The following RP1 variants were observed in gnomAD, a reference collection of about 807,000 sequenced individuals.
RP1 encodes the protein oxygen-regulated protein 1.
A neutral mutation model predicts 14.8 loss-of-function variants in RP1; 16 were observed. The ratio of observed to expected loss-of-function variants is 1.08; its 90% confidence interval spans 0.73 to 1.65. The LOEUF is 1.65. RP1 is among the 40% of genes most tolerant of loss of function. The pLI is 0.00. For synonymous variants in RP1, 876 were observed against 883.6 expected, an observed-to-expected ratio of 0.99 and a Z score of 0.15; for missense variants, 2,631 against 2,535.0, an observed-to-expected ratio of 1.04 and a Z score of -0.81.
intron 1 of RP1, among the ~76,000 whole-genome samples, chr8:54,569,709 A>G (rs184142264): frequency 6.6e-6 from 1 of 152,300 alleles, no homozygotes; most frequent in Non-Finnish European, 1.5e-5. Flanking sequence ...GTTGTCAGGC[A>G]CTGTATTAAG....
intron 1 of RP1, among the ~76,000 whole-genome samples, chr8:54,604,851 G>A (rs1805388503): frequency 6.6e-6 from 1 of 152,128 alleles, no homozygotes; most frequent in African/African-American, 2.4e-5. Context: ...ATTCTCTGAT[G>A]GTAGTTTGTA....
intron 1 of RP1, among the ~76,000 whole-genome samples, chr8:54,595,654 A>G (rs73603032): frequency 0.013 from 1,972 of 152,348 alleles, 45 homozygotes; most frequent in African/African-American, 0.045. Context: ...ACTCAAAAAG[A>G]AAAGTATAAA....
intron 15 of RP1, among the ~76,000 whole-genome samples, chr8:54,709,924 C>T (rs546406111): frequency 3.3e-5 from 5 of 152,314 alleles, no homozygotes; most frequent in African/African-American, 1.2e-4. Flanking sequence ...ACTGAAACTC[C>T]TGGAGTGCAA....
rs1288259555 is a variant in RP1 at position 54,629,017 on chromosome 8, A to G, written c.5135A>G (p.Asn1712Ser). The change falls in exon 4 of 4, where the codon AAT (asparagine) becomes AGT (serine). Residue 1712 changes from asparagine to serine, a missense_variant. Asn to Ser is a conservative substitution (Grantham distance 46). Transcript: ENST00000220676. The part of the protein sequence containing the change: ...DKCDVSAVRD[N>S]YCRGDIVEPG... Reference sequence around the variant, plus strand: ...TGTGATGTTAGTGCTGTGAGGGACAATTATTGTAGGGGTGACATTGTAGAA... The same window carrying G: ...TGTGATGTTAGTGCTGTGAGGGACAGTTATTGTAGGGGTGACATTGTAGAA... The G allele has an allele frequency of 6.2e-7, 1 of 1,614,090 alleles. No individual in the cohort carries two copies. The highest frequency in any genetic ancestry group is 1.7e-5 in the Admixed American group (1 of 60,018).
chr8:54,826,543 C>A (rs1811388753), intron 24 of RP1, among the ~76,000 whole-genome samples: 1 of 152,200 alleles, frequency 6.6e-6, no homozygotes, highest in South Asian at 2.1e-4. Context: ...TCAATATAAA[C>A]ATGAGTTGCT....
chr8:54,631,142 T>C (rs563437234), downstream of RP1, among the ~76,000 whole-genome samples: 1 of 152,262 alleles, frequency 6.6e-6, no homozygotes, highest in Admixed American at 6.5e-5. Context: ...TAACATAAAT[T>C]TGGCATTGAG....
At chr8:54,736,753 T>C (rs376244227) in intron 18 of RP1, among the ~76,000 whole-genome samples, 7 of 152,150 alleles carry the variant, frequency 4.6e-5, no homozygotes, top group African/African-American at 1.7e-4. Context: ...GGATGGGCAT[T>C]GCCTGGGATC....
intron 12 of RP1, among the ~76,000 whole-genome samples, chr8:54,690,439 C>T (rs1186691186): frequency 6.6e-6 from 1 of 151,986 alleles, no homozygotes; most frequent in Non-Finnish European, 1.5e-5. Context: ...TCAAACCCCT[C>T]TATTTTCTGA....
chr8:54,722,622 T>A (rs1429726622), intron 16 of RP1, among the ~76,000 whole-genome samples: 1 of 152,126 alleles, frequency 6.6e-6, no homozygotes, highest in Non-Finnish European at 1.5e-5. Context: ...TTGGGAGTTT[T>A]GAATTGTTTA....
chr8:54,778,102 A>G (rs947726227), intron 23 of RP1, among the ~76,000 whole-genome samples: 1 of 152,134 alleles, frequency 6.6e-6, no homozygotes, highest in African/African-American at 2.4e-5. Flanking sequence ...TTGAAAGGCT[A>G]TTATGTGCCA....
rs1482171052 is a variant in RP1, at chr8:54,565,053, G to A, written c.-13+5733G>A. Among the ~76,000 whole-genome samples the A allele has an allele frequency of 2.0e-5, 3 of 152,176 alleles. No homozygotes were observed. In the East Asian group the frequency reaches 5.8e-4, roughly 29 times the overall value. ...TTATAGGCGCGAGCCACCATGCCTG[G>A]CACAGAAGCTGAGAACCACAGCTTC... On this transcript the variant is annotated intron_variant, in intron 1 of 22. Transcript: ENST00000636932.
At chr8:54,597,402 A>G (rs1287528777) in intron 1 of RP1, among the ~76,000 whole-genome samples, 1 of 152,168 alleles carries the variant, frequency 6.6e-6, no homozygotes, top group African/African-American at 2.4e-5. Context: ...GCATTTTTAG[A>G]TGAGTACATA....
chr8:54,734,502 G>A (rs1206347987), intron 17 of RP1: 1 of 1,489,610 alleles, frequency 6.7e-7, no homozygotes, highest in Non-Finnish European at 8.9e-7. Context: ...CTGTCAGCCT[G>A]ATGTTATATC....
exon 12 of RP1, chr8:54,679,930 T>C (rs1455959923): frequency 7.8e-6 from 12 of 1,535,754 alleles, no homozygotes; most frequent in Non-Finnish European, 9.6e-6. Context: ...GACAGACAAA[T>C]ATGGTAAAAC....
chr8:54,629,395 G>A lies in RP1; in HGVS notation c.5513G>A (p.Arg1838His), dbSNP rs576959220. The A allele has an allele frequency of 8.7e-6, 14 of 1,614,068 alleles. No homozygotes were observed. Among genetic ancestry groups the A allele is most frequent in the African/African-American group, 5.3e-5 (4 of 75,042 alleles). Residue 1838 changes from arginine (R) to histidine (H), a missense_variant, in exon 4 of 4, where the codon CGC becomes CAC. Physicochemically the swap from Arg to His is conservative, Grantham distance 29. Coordinates refer to ENST00000220676, the MANE Select transcript of RP1 (RefSeq NM_006269.2). ...TTTCATGAGGACTTGCTGGATGTTC[G>A]CAATGAAACCTGTGCCAAGGAAAGA... ...EPFHEDLLDV[R>H]NETCAKERIA...
intron 24 of RP1, among the ~76,000 whole-genome samples, chr8:54,793,564 G>A (rs1202478634): frequency 6.6e-6 from 1 of 151,840 alleles, no homozygotes; most frequent in African/African-American, 2.4e-5. Context: ...TTAACAGAAG[G>A]AAGGATAAAA....
chr8:54,870,044 G>A (rs182973638), exon 29 of RP1: 14 of 507,352 alleles, frequency 2.8e-5, no homozygotes, highest in Admixed American at 2.6e-4. Context: ...AAACACCTGG[G>A]GAGGGTCAGT....
chr8:54,838,586 C>A (rs113265246), intron 25 of RP1, among the ~76,000 whole-genome samples: 137 of 152,020 alleles, frequency 9.0e-4, no homozygotes, highest in African/African-American at 3.3e-3. Flanking sequence ...TATGTATGTG[C>A]GTGACTGAAT....
exon 29 of RP1, chr8:54,870,094 A>C: frequency 2.5e-6 from 1 of 394,348 alleles, no homozygotes; most frequent in Non-Finnish European, 4.4e-6. Flanking sequence ...AACTTCCAAA[A>C]TTGGGAGGAT....
Sources: gnomAD v4.1 joint callset for allele counts (sites outside exome capture counted in the v4.1 genomes callset) on GRCh38, gnomAD v4.1.1 for gene constraint, MANE v1.5 for transcripts, NCBI Gene and HGNC (gene_info 2026-07-23, HGNC 2026-07-21) for gene names.